The following MED14 variants were observed in gnomAD, a reference collection of about 807,000 sequenced individuals.
MED14 encodes mediator complex subunit 14, also known as mediator of RNA polymerase II transcription subunit 14.
Under a neutral mutation model 109.0 loss-of-function variants are expected in MED14, and 8 were observed. The ratio of observed to expected loss-of-function variants is 0.07; its 90% confidence interval spans 0.04 to 0.13. The LOEUF (loss-of-function observed/expected upper bound fraction) is 0.13, where lower values mean the gene tolerates loss of function less well. Ranked by LOEUF, MED14 falls within the 10% of genes least tolerant of loss-of-function variation. MED14 has a pLI of 1.00. For missense variants in MED14, 711 were observed against 1,142.4 expected, an observed-to-expected ratio of 0.62 and a Z score of 5.44; for synonymous variants, 399 against 408.7, an observed-to-expected ratio of 0.98 and a Z score of 0.29.
In MED14 at chrX:40,692,808, G is replaced by T. The variant is rs1336890883; in HGVS notation, c.1745C>A (p.Pro582His). The change falls in exon 14 of 31, where the codon CCT becomes CAT. Residue 582 changes from proline to histidine, a missense_variant. Transcript: ENST00000324817. ...SVNAADREDS[P>H]AMALLLQQFK... ...CTGCTGCAGCAGCAATGCCATTGCAGGGCTGTCTTCACGATCTGCAGCATT... is the reference window on the plus strand; with the variant it reads ...CTGCTGCAGCAGCAATGCCATTGCATGGCTGTCTTCACGATCTGCAGCATT... 8.3e-7 allele frequency: 1 copy of T among 1,209,269 alleles called. No homozygotes were observed. The highest frequency in any genetic ancestry group is 2.2e-5 in the Admixed American group (1 of 45,429).
At chrX:40,729,793 A>C (rs1440319209) in intron 1 of MED14, among the ~76,000 whole-genome samples, 1 of 112,302 alleles carries the variant, frequency 8.9e-6, no homozygotes, top group Admixed American at 9.4e-5. Context: ...CTGGAAGCTA[A>C]GCATACAAAA....
chrX:40,692,347 T>TAAAA, intron 14 of MED14, 30 bp from the exon 15 acceptor site: 3 of 880,796 alleles, frequency 3.4e-6, no homozygotes, highest in Non-Finnish European at 4.6e-6. Flanking sequence ...CACAAACAGG[T>TAAAA]AAAAAAAAAA....
chrX:40,660,365 G>GA (rs1467532274), intron 26 of MED14, among the ~76,000 whole-genome samples: 1 of 111,474 alleles, frequency 9.0e-6, no homozygotes, highest in Non-Finnish European at 1.9e-5. Flanking sequence ...TGGCACATTA[G>GA]AAAAAAAGAA....
chrX:40,657,180 T>C (rs1929081461), intron 28 of MED14, among the ~76,000 whole-genome samples: 1 of 111,723 alleles, frequency 9.0e-6, no homozygotes, highest in Admixed American at 9.5e-5. Flanking sequence ...TGAGCCCCCA[T>C]GCCCAGCCAA....
At chrX:40,717,445 T>C (rs1024996732) in intron 3 of MED14, among the ~76,000 whole-genome samples, 1 of 111,632 alleles carries the variant, frequency 9.0e-6, no homozygotes, top group African/African-American at 3.3e-5. Context: ...CCTAAACTAG[T>C]AGAGCTCATC....
chrX:40,676,465 A>G (rs1351922171), intron 21 of MED14, among the ~76,000 whole-genome samples: 1 of 112,239 alleles, frequency 8.9e-6, no homozygotes, highest in East Asian at 2.8e-4. Context: ...ATGGCTGAGT[A>G]GCAACTAGAA....
Position 40,733,310 on chromosome X carries a change from CAG to C in MED14, c.215+1886_215+1887del, listed in dbSNP as rs55657795. On this transcript the variant is annotated intron_variant, in intron 1 of 30. Transcript: ENST00000324817. ...GCTAATTTTCTATTTTTGGTAGAGA[CAG>C]AGTCTCGAACTCCTGGGCTCAAGTG... Among the ~76,000 whole-genome samples, 833 of 110,125 alleles carry C rather than the reference CAG, an allele frequency of 7.6e-3. 5 individuals carry two copies. Among genetic ancestry groups the C allele is most frequent in the Non-Finnish European group, 0.014 (721 of 52,682 alleles).
chrX:40,665,332 T>C (rs1262221216), intron 24 of MED14, among the ~76,000 whole-genome samples: 1 of 111,255 alleles, frequency 9.0e-6, no homozygotes, highest in African/African-American at 3.3e-5. Context: ...GAGACCAGCC[T>C]GGGCAACACG....
intron 1 of MED14, among the ~76,000 whole-genome samples, chrX:40,732,774 T>C (rs928283208): frequency 9.0e-6 from 1 of 111,362 alleles, no homozygotes; most frequent in African/African-American, 3.3e-5. Flanking sequence ...AGTGAGACCC[T>C]GTCTCAAAAA....
At chrX:40,670,446 T>C (rs985394765) in intron 23 of MED14, among the ~76,000 whole-genome samples, 1 of 112,531 alleles carries the variant, frequency 8.9e-6, no homozygotes, top group Non-Finnish European at 1.9e-5. Flanking sequence ...CACATATACA[T>C]ATCTATAAGA....
intron 13 of MED14, among the ~76,000 whole-genome samples, chrX:40,693,322 T>C (rs7052986): frequency 0.02 from 2,204 of 111,768 alleles, 16 homozygotes; most frequent in South Asian, 0.037. Context: ...GGGAAGGACC[T>C]GGTAGGAGAT....
In MED14 at chrX:40,651,416, T is replaced by G; in HGVS notation, c.*390A>C. 1.3e-6 allele frequency: 1 copy of G among 760,818 alleles called. No homozygotes were observed. Among genetic ancestry groups the G allele is most frequent in the African/African-American group, 2.3e-5 (1 of 43,947 alleles). The allele number at this position is 760,818 out of a possible 1,213,427, so 62.7% of individuals were successfully genotyped here. A position where few individuals can be genotyped will look rare whatever the true frequency, so the allele number is the denominator to read the frequency against. Reference sequence around the variant, plus strand: ...AAAGTTTATCACAGTTTTACAGTATTCAAAAATGACAGACCTGCCTTAAAA... The same window carrying G: ...AAAGTTTATCACAGTTTTACAGTATGCAAAAATGACAGACCTGCCTTAAAA... On this transcript the variant is annotated 3_prime_UTR_variant, in exon 31 of 31. Transcript: ENST00000324817.
intron 11 of MED14, among the ~76,000 whole-genome samples, chrX:40,702,992 A>G (rs953019496): frequency 8.9e-6 from 1 of 112,120 alleles, no homozygotes; most frequent in African/African-American, 3.2e-5. Context: ...TTTAATTTCT[A>G]CTGTGTTTAG....
At chrX:40,660,283 G>A (rs1301390720) in intron 26 of MED14, among the ~76,000 whole-genome samples, 1 of 111,627 alleles carries the variant, frequency 9.0e-6, no homozygotes, top group African/African-American at 3.3e-5. Flanking sequence ...TGGGTGATGA[G>A]AGTACAGAAG....
chrX:40,680,201 T>C (rs1396376614), intron 20 of MED14, 68 bp from the exon 21 acceptor site: 37 of 1,068,698 alleles, frequency 3.5e-5, no homozygotes, highest in Non-Finnish European at 4.7e-5. Flanking sequence ...GAATTTTCAG[T>C]GTATAACTGT....
At chrX:40,675,070 G>A in intron 22 of MED14, 151 bp downstream of exon 22, 3 of 442,080 alleles carry the variant, frequency 6.8e-6, no homozygotes, top group Non-Finnish European at 7.2e-6. Context: ...AAGTCTCCTC[G>A]CCTCCTTCTG....
chrX:40,664,220 G>A (rs1003642634), intron 25 of MED14, 87 bp downstream of exon 25: 9 of 889,247 alleles, frequency 1.0e-5, no homozygotes, highest in Middle Eastern at 3.4e-4. Flanking sequence ...CAAAAAGTAG[G>A]TCATGACTTT....
At position 40,733,855 on chromosome X, in the gene MED14, T is replaced by C. The variant is rs764564589; in HGVS notation, c.215+1343A>G. Among the ~76,000 whole-genome samples, 22 of 112,063 alleles carry C rather than the reference T, an allele frequency of 2.0e-4. No homozygotes were observed. The South Asian group carries it at 4.4e-3, about 23-fold the overall frequency. ...AATGTAGGCATCTGGATATAGAGTC[T>C]GGAGTTCATCAGAGAGGTCTGTGCT... On this transcript the variant is annotated intron_variant, in intron 1 of 30. Coordinates refer to ENST00000324817, the MANE Select transcript of MED14 (RefSeq NM_004229.4).
chrX:40,701,696 G>C (rs1930942731), intron 11 of MED14, among the ~76,000 whole-genome samples: 1 of 111,925 alleles, frequency 8.9e-6, no homozygotes, highest in Non-Finnish European at 1.9e-5. Context: ...TGGAACAGCT[G>C]CTGGCTGAAG....
Sources: gnomAD v4.1 joint callset for allele counts (sites outside exome capture counted in the v4.1 genomes callset) on GRCh38, gnomAD v4.1.1 for gene constraint, MANE v1.5 for transcripts, NCBI Gene and HGNC (gene_info 2026-07-23, HGNC 2026-07-21) for gene names.